COL25A1: variants seen among roughly 807,000 people sequenced by gnomAD.
The protein encoded by COL25A1 is collagen type XXV alpha 1 chain.
A neutral mutation model predicts 128.4 loss-of-function variants in COL25A1; 103 were observed. The ratio of observed to expected loss-of-function variants is 0.80; its 90% confidence interval spans 0.68 to 0.94. The LOEUF is 0.94. Among genes scored for constraint, COL25A1 ranks in the 40% least tolerant of loss-of-function variants. The pLI is 0.00. For synonymous variants in COL25A1, 279 were observed against 277.2 expected, an observed-to-expected ratio of 1.01 and a Z score of -0.06; for missense variants, 745 against 840.0, an observed-to-expected ratio of 0.89 and a Z score of 1.40.
chr4:109,120,793 G>A (rs1440143667), intron 3 of COL25A1, among the ~76,000 whole-genome samples: 8 of 150,248 alleles, frequency 5.3e-5, no homozygotes. Context: ...GGGCAACAGA[G>A]TGAGACTCTG....
intron 18 of COL25A1, among the ~76,000 whole-genome samples, chr4:108,886,419 C>A (rs1006176840): frequency 1.3e-5 from 2 of 148,246 alleles, no homozygotes; most frequent in Non-Finnish European, 3.0e-5. Flanking sequence ...AATTTATAAA[C>A]TTTCTTAAAG....
At chr4:108,854,873 A>C (rs1039758814) in intron 24 of COL25A1, among the ~76,000 whole-genome samples, 4 of 152,182 alleles carry the variant, frequency 2.6e-5, no homozygotes, top group African/African-American at 9.7e-5. Flanking sequence ...TATATACTGA[A>C]AGAATTAATC....
chr4:108,871,543 C>G (rs1288514760), intron 19 of COL25A1, among the ~76,000 whole-genome samples: 1 of 152,146 alleles, frequency 6.6e-6, no homozygotes, highest in Non-Finnish European at 1.5e-5. Flanking sequence ...GTCTCGATCT[C>G]CTGACCTCGT....
intron 20 of COL25A1, among the ~76,000 whole-genome samples, chr4:108,867,601 C>T (rs905687940): frequency 1.3e-5 from 2 of 152,162 alleles, no homozygotes. Context: ...GAGTTATTTT[C>T]ACTTGACCAG....
intron 3 of COL25A1, among the ~76,000 whole-genome samples, chr4:109,113,623 T>C (rs866478140): frequency 6.6e-6 from 1 of 151,992 alleles, no homozygotes; most frequent in African/African-American, 2.4e-5. Flanking sequence ...TTATGGTAAA[T>C]TGGGCAATAA....
chr4:108,985,535 T>A (rs191866190), intron 6 of COL25A1, among the ~76,000 whole-genome samples: 56 of 152,276 alleles, frequency 3.7e-4, no homozygotes, highest in African/African-American at 1.3e-3. Flanking sequence ...AAAATAAACA[T>A]GAGTTGAAAT....
intron 3 of COL25A1, among the ~76,000 whole-genome samples, chr4:109,249,592 TTTGA>T (rs72432509): frequency 0.036 from 5,471 of 152,248 alleles, 325 homozygotes; most frequent in African/African-American, 0.13. Flanking sequence ...CATAGCACAC[TTTGA>T]TTAAGATAGG....
At chr4:108,916,705 C>T (rs535333871) in intron 13 of COL25A1, among the ~76,000 whole-genome samples, 9 of 152,154 alleles carry the variant, frequency 5.9e-5, no homozygotes, top group African/African-American at 1.2e-4. Flanking sequence ...TAAATTTTTG[C>T]TTAGGTTTCC....
At chr4:108,890,229 C>T (rs950784058) in intron 16 of COL25A1, among the ~76,000 whole-genome samples, 2 of 152,242 alleles carry the variant, frequency 1.3e-5, no homozygotes, top group Middle Eastern at 3.4e-3. Flanking sequence ...TTAATGATGT[C>T]GAGTTAGAAA....
At chr4:108,908,060 T>C (rs1303641198) in intron 13 of COL25A1, among the ~76,000 whole-genome samples, 1 of 152,206 alleles carries the variant, frequency 6.6e-6, no homozygotes, top group African/African-American at 2.4e-5. Flanking sequence ...ACTAAAGACG[T>C]TACCTGTTCA....
intron 3 of COL25A1, among the ~76,000 whole-genome samples, chr4:109,137,992 G>A (rs879923845): frequency 2.0e-3 from 307 of 151,754 alleles, no homozygotes; most frequent in Non-Finnish European, 3.5e-3. Context: ...ATATGTGTGT[G>A]TGTGTGTGTG....
chr4:108,968,707 G>A lies in COL25A1; in HGVS notation c.492+5660C>T, dbSNP rs907538591. On this transcript the variant is annotated intron_variant, in intron 8 of 37. Coordinates refer to ENST00000399132, the MANE Select transcript of COL25A1 (RefSeq NM_198721.4). ...TCTCCCTCTGTGATAGTTCAGCTGT[G>A]TAACAGTTACCTCCAGTTATGGCAC... is the stretch of plus-strand genomic sequence containing the variant. 2.6e-5 allele frequency among the ~76,000 whole-genome samples: 4 copies of A among 152,110 alleles called. 1 individual carries two copies. Among genetic ancestry groups the A allele is most frequent in the Admixed American group, 6.5e-5 (1 of 15,288 alleles).
At chr4:109,136,214 A>G (rs1769733238) in intron 3 of COL25A1, among the ~76,000 whole-genome samples, 1 of 152,114 alleles carries the variant, frequency 6.6e-6, no homozygotes, top group East Asian at 1.9e-4. Flanking sequence ...CCTGGCCAAC[A>G]TGGTGAAACC....
At chr4:109,186,669 A>G (rs1420342819) in intron 3 of COL25A1, among the ~76,000 whole-genome samples, 1 of 152,228 alleles carries the variant, frequency 6.6e-6, no homozygotes, top group African/African-American at 2.4e-5. Flanking sequence ...ATGGGACAGG[A>G]TCACTACAAA....
intron 3 of COL25A1, among the ~76,000 whole-genome samples, chr4:109,282,440 T>C (rs1377565684): frequency 6.6e-6 from 1 of 152,028 alleles, no homozygotes; most frequent in Non-Finnish European, 1.5e-5. Context: ...AGGTGTTGCA[T>C]AAAAATGAGA....
intron 3 of COL25A1, among the ~76,000 whole-genome samples, chr4:109,161,716 A>G (rs1772599880): frequency 6.6e-6 from 1 of 152,210 alleles, no homozygotes; most frequent in East Asian, 1.9e-4. Context: ...ATTCAGAAAA[A>G]CAAAAACAGA....
chr4:108,880,609 A>C (rs1026323767), intron 19 of COL25A1, among the ~76,000 whole-genome samples: 5 of 152,214 alleles, frequency 3.3e-5, no homozygotes, highest in Non-Finnish European at 7.3e-5. Flanking sequence ...TACATGTATT[A>C]GTGCATTTAA....
At chr4:108,994,986 T>C (rs1449057569) in intron 6 of COL25A1, among the ~76,000 whole-genome samples, 1 of 151,924 alleles carries the variant, frequency 6.6e-6, no homozygotes, top group Non-Finnish European at 1.5e-5. Context: ...AGACCAAAGG[T>C]AGATAAAACC....
chr4:108,925,280 G>C (rs1281405444), intron 11 of COL25A1, among the ~76,000 whole-genome samples: 1 of 152,036 alleles, frequency 6.6e-6, no homozygotes, highest in Non-Finnish European at 1.5e-5. Flanking sequence ...ATTGTGTCAG[G>C]TGGTAACTGC....
Sources: gnomAD v4.1 joint callset for allele counts (sites outside exome capture counted in the v4.1 genomes callset) on GRCh38, gnomAD v4.1.1 for gene constraint, MANE v1.5 for transcripts, NCBI Gene and HGNC (gene_info 2026-07-23, HGNC 2026-07-21) for gene names.